Variants in PYROXD2 observed in about 807,000 individuals in gnomAD.
PYROXD2 encodes pyridine nucleotide-disulfide oxidoreductase domain-containing protein 2.
PYROXD2 carries 69 observed loss-of-function variants against 71.1 expected under a neutral mutation model. The ratio of observed to expected loss-of-function variants is 0.97; its 90% CI spans 0.80 to 1.19. PYROXD2 has a LOEUF of 1.19. Ranked by LOEUF, PYROXD2 falls within the 50% of genes most tolerant of loss-of-function variation. PYROXD2 has a pLI of 0.00. For synonymous variants in PYROXD2, 287 were observed against 302.7 expected, an observed-to-expected ratio of 0.95 and a Z score of 0.54; for missense variants, 745 against 748.9, an observed-to-expected ratio of 0.99 and a Z score of 0.06.
At chr10:98,398,959 G>T (rs1455819217) in intron 5 of PYROXD2, among the ~76,000 whole-genome samples, 2 of 152,210 alleles carry the variant, frequency 1.3e-5, no homozygotes, top group Non-Finnish European at 2.9e-5. Flanking sequence ...AACATAGTGA[G>T]ACTTTTGTCT....
intron 3 of PYROXD2, 48 bp from the exon 4 acceptor site, chr10:98,407,703 A>G (rs758435991): frequency 5.7e-6 from 9 of 1,570,494 alleles, no homozygotes; most frequent in East Asian, 2.4e-5. Flanking sequence ...ACCAGGGATG[A>G]GGACCGTCAC....
intron 13 of PYROXD2, 56 bp from the exon 14 acceptor site, chr10:98,387,363 T>C: frequency 7.6e-7 from 1 of 1,312,700 alleles, no homozygotes; most frequent in East Asian, 2.3e-5. Flanking sequence ...GGAGGCACTA[T>C]GGGTGTACAA....
rs1842999491 is a variant in PYROXD2, at chr10:98,392,992, C to A, written c.877G>T (p.Ala293Ser). 1 of 1,613,756 alleles carries A rather than the reference C, an allele frequency of 6.2e-7. No homozygotes were observed. Among genetic ancestry groups the A allele is most frequent in the Admixed American group, 1.7e-5 (1 of 59,970 alleles). Residue 293 changes from alanine (A) to serine (S), a missense_variant, in exon 9 of 16, where the codon GCG becomes TCG. By Grantham distance (99) the Ala-to-Ser change is moderately conservative (BLOSUM62 1). Transcript: ENST00000370575. The stretch of plus-strand genomic sequence containing the variant: ...TGTGTGGTGGCTGAGCTTGCGATCG[C>A]ATCAGAGAGGGCACCCATGCCCCCC... ...VQGGMGALSDAIASSATTHGA... is the reference protein window; with the variant it reads ...VQGGMGALSDSIASSATTHGA...
chr10:98,414,970 C>A, intron 1 of PYROXD2, 39 bp downstream of exon 1: 1 of 1,603,266 alleles, frequency 6.2e-7, no homozygotes, highest in South Asian at 1.1e-5. Context: ...GCTGTCTTCC[C>A]GCCCCTCAGC....
intron 4 of PYROXD2, among the ~76,000 whole-genome samples, chr10:98,401,281 C>T (rs1282396504): frequency 9.0e-6 from 1 of 110,708 alleles, no homozygotes; most frequent in Non-Finnish European, 1.8e-5. Flanking sequence ...AAAAAACAAA[C>T]ATAGAAAAGG....
chr10:98,383,580 A>G lies in PYROXD2; in HGVS notation c.*218T>C, dbSNP rs540968591. 1.8e-5 allele frequency: 11 copies of G among 599,746 alleles called. No homozygotes were observed. In the South Asian group the frequency reaches 2.1e-4, roughly 11 times the overall value. 37.2% of individuals were successfully genotyped at this position (599,746 alleles called of 1,614,324 possible). A position where few individuals can be genotyped will look rare whatever the true frequency, so the allele number is the denominator to read the frequency against. Reference sequence around the variant, plus strand: ...ACAAGCAAAATAATCTGTATGAAATATTAGTTTTAATAAAACAGAACCAGT... The same window carrying G: ...ACAAGCAAAATAATCTGTATGAAATGTTAGTTTTAATAAAACAGAACCAGT... On this transcript the variant is annotated 3_prime_UTR_variant, in exon 16 of 16. Coordinates refer to ENST00000370575, the MANE Select transcript of PYROXD2 (RefSeq NM_032709.3).
intron 2 of PYROXD2, 126 bp downstream of exon 2, chr10:98,410,813 G>T: frequency 1.4e-6 from 2 of 1,415,892 alleles, no homozygotes; most frequent in Non-Finnish European, 1.9e-6. Flanking sequence ...AGAGAGCATC[G>T]ACTAGGCTGC....
chr10:98,412,301 C>G (rs954024582), intron 1 of PYROXD2, among the ~76,000 whole-genome samples: 4 of 152,214 alleles, frequency 2.6e-5, no homozygotes, highest in Admixed American at 2.6e-4. Flanking sequence ...CCTGGCTGAG[C>G]CCTCCTTGGC....
At position 98,392,572 on chromosome 10, in the gene PYROXD2, G is replaced by T. The variant is rs1473191379; in HGVS notation, c.928-6C>A. The stretch of plus-strand genomic sequence containing the variant: ...ACCTGCACCTTCGCCACTGTCTAGA[G>T]CCCACCAGAACAAGGCCCCAGAAAC... On this transcript the variant is annotated splice_region_variant and splice_polypyrimidine_tract_variant and intron_variant, in intron 9 of 15. Transcript: ENST00000370575. 6.2e-7 allele frequency: 1 copy of T among 1,609,708 alleles called. No individual in the cohort carries two copies. Among genetic ancestry groups the T allele is most frequent in the Non-Finnish European group, 8.5e-7 (1 of 1,179,898 alleles).
At chr10:98,410,663 T>G in intron 2 of PYROXD2, 1 of 502,100 alleles carries the variant, frequency 2.0e-6, no homozygotes, top group South Asian at 3.2e-5. Context: ...TCAGCTTGTT[T>G]CTGGAAGCTC....
intron 14 of PYROXD2, among the ~76,000 whole-genome samples, chr10:98,386,345 G>T (rs1475064874): frequency 1.3e-5 from 2 of 150,614 alleles, no homozygotes; most frequent in Non-Finnish European, 3.0e-5. Context: ...AAGGAAGGAA[G>T]GAAGGAAGGA....
chr10:98,407,519 A>C (rs10883092), intron 4 of PYROXD2, 63 bp downstream of exon 4: 463,138 of 1,575,036 alleles, frequency 0.29, 75,816 homozygotes, highest in African/African-American at 0.55. Context: ...GACCCCCCAC[A>C]CAGGTTGGGA....
chr10:98,388,063 T>G, intron 13 of PYROXD2: 2 of 363,734 alleles, frequency 5.5e-6, no homozygotes, highest in South Asian at 2.5e-5. Context: ...TGCGTCTCCT[T>G]TGGTTCGTGC....
chr10:98,384,794 G>C (rs999196248), intron 15 of PYROXD2, among the ~76,000 whole-genome samples, 153 bp downstream of exon 15: 1 of 152,196 alleles, frequency 6.6e-6, no homozygotes, highest in African/African-American at 2.4e-5. Flanking sequence ...CCTGTGCATG[G>C]ATAATTCTGA....
At chr10:98,399,994 C>G in intron 5 of PYROXD2, 108 bp downstream of exon 5, 2 of 1,384,458 alleles carry the variant, frequency 1.4e-6, no homozygotes, top group Non-Finnish European at 1.9e-6. Flanking sequence ...GTGGGGTGGC[C>G]TGGCGCAGTG....
In PYROXD2 at chr10:98,415,062, G is replaced by C; in HGVS notation, c.74C>G (p.Thr25Arg). The C allele has an allele frequency of 1.9e-6, 3 of 1,613,986 alleles. No homozygotes were observed. The highest frequency in any genetic ancestry group is 2.5e-6 in the Non-Finnish European group (3 of 1,179,956). Reference sequence around the variant, plus strand: ...AGGCTTCAGACCTCCCCTGGCTTCCGTGTTATCTCGTCTCCACGCCGGGAA... The same window carrying C: ...AGGCTTCAGACCTCCCCTGGCTTCCCTGTTATCTCGTCTCCACGCCGGGAA... ...SPFPAWRRDNTEARGGLKPEY... is the reference protein window; with the variant it reads ...SPFPAWRRDNREARGGLKPEY... The change falls in exon 1 of 16, where the codon ACG (threonine) becomes AGG (arginine). Residue 25 changes from threonine (T) to arginine (R), a missense_variant. Coordinates refer to ENST00000370575, the MANE Select transcript of PYROXD2 (RefSeq NM_032709.3).
chr10:98,398,162 C>T (rs1415875919), intron 5 of PYROXD2, among the ~76,000 whole-genome samples: 11 of 152,156 alleles, frequency 7.2e-5, no homozygotes, highest in South Asian at 4.1e-4. Context: ...GGATTACAGG[C>T]GTGAGCCGCC....
intron 8 of PYROXD2, among the ~76,000 whole-genome samples, chr10:98,394,475 T>G (rs1843076318): frequency 6.6e-6 from 1 of 151,978 alleles, no homozygotes; most frequent in Non-Finnish European, 1.5e-5. Context: ...GCCTTCTAGC[T>G]TCTAGCTTCT....
Position 98,383,789 on chromosome 10 carries a change from G to C in PYROXD2, c.*9C>G, listed in dbSNP as rs1228874624. ...GGAGTCTTCTTCCTGGGTCAGAGCT[G>C]GTTCAGGGTCACATGCTCTTGAGGT... On this transcript the variant is annotated 3_prime_UTR_variant, in exon 16 of 16. Coordinates refer to ENST00000370575, the MANE Select transcript of PYROXD2 (RefSeq NM_032709.3). 6.2e-7 allele frequency: 1 copy of C among 1,612,810 alleles called. No homozygotes were observed. Among genetic ancestry groups the C allele is most frequent in the South Asian group, 1.1e-5 (1 of 91,042 alleles).
Sources: gnomAD v4.1 joint callset for allele counts (sites outside exome capture counted in the v4.1 genomes callset) on GRCh38, gnomAD v4.1.1 for gene constraint, MANE v1.5 for transcripts, NCBI Gene and HGNC (gene_info 2026-07-23, HGNC 2026-07-21) for gene names.